Variants in APBB2 observed in about 807,000 individuals in gnomAD.
APBB2 encodes Fe65-like 1.
Under a neutral mutation model 82.5 loss-of-function variants are expected in APBB2, and 38 were observed. The observed-to-expected ratio is 0.46, with a 90% confidence interval of 0.36 to 0.60. The LOEUF is 0.60. Ranked by LOEUF, APBB2 falls within the 20% of genes least tolerant of loss-of-function variation. The probability of loss-of-function intolerance (pLI) is 0.00; values close to 1 mark genes in which losing one functional copy is unlikely to be tolerated. For synonymous variants in APBB2, 341 were observed against 368.2 expected (o/e 0.93, Z 0.85); for missense variants, 772 against 972.3 (o/e 0.79, Z 2.74).
At chr4:40,970,269 A>G (rs947969339) in intron 6 of APBB2, among the ~76,000 whole-genome samples, 1 of 152,186 alleles carries the variant, frequency 6.6e-6, no homozygotes, top group African/African-American at 2.4e-5. Flanking sequence ...TTACTCCTTA[A>G]TAAGGATCAT....
intron 4 of APBB2, among the ~76,000 whole-genome samples, chr4:41,050,460 T>G (rs370997862): frequency 6.6e-6 from 1 of 152,180 alleles, no homozygotes; most frequent in East Asian, 1.9e-4. Flanking sequence ...AATTCACACA[T>G]GCATATTGTT....
chr4:40,847,857 A>G (rs188808717), intron 12 of APBB2, among the ~76,000 whole-genome samples: 196 of 151,598 alleles, frequency 1.3e-3, no homozygotes, highest in Non-Finnish European at 2.3e-3. Flanking sequence ...CCCAGGCAGG[A>G]GTCCAGTAGC....
At chr4:41,166,962 C>A (rs565354575) in intron 1 of APBB2, among the ~76,000 whole-genome samples, 30 of 152,314 alleles carry the variant, frequency 2.0e-4, no homozygotes, top group South Asian at 6.2e-4. Flanking sequence ...GGTGACTGAA[C>A]CTGCATTTTG....
At chr4:40,825,572 G>A (rs1323036978) in intron 15 of APBB2, among the ~76,000 whole-genome samples, 2 of 152,222 alleles carry the variant, frequency 1.3e-5, no homozygotes, top group Admixed American at 1.3e-4. Context: ...AGAGATGGAG[G>A]CCTCGTTTCA....
At chr4:41,064,778 G>A (rs986409485) in intron 4 of APBB2, among the ~76,000 whole-genome samples, 4 of 152,172 alleles carry the variant, frequency 2.6e-5, no homozygotes, top group East Asian at 1.9e-4. Flanking sequence ...TTTGGAGAAG[G>A]CTAAGAAGTA....
rs568507433 is a variant in APBB2, at chr4:40,830,465, T to C, written c.1642A>G (p.Lys548Glu). The C allele has an allele frequency of 1.2e-6, 2 of 1,612,446 alleles. No individual in the cohort carries two copies. The highest frequency in any genetic ancestry group is 2.2e-5 in the East Asian group (1 of 44,872). ...IATSLHEICS[K>E]IMAERKNAKA... ...CATACTGCCCTGACCCACCTTACCTTGGAGCAGATCTCGTGGAGACTTGTG... is the reference window on the plus strand; with the variant it reads ...CATACTGCCCTGACCCACCTTACCTCGGAGCAGATCTCGTGGAGACTTGTG... The change falls in exon 13 of 18, where the codon AAG becomes GAG. Residue 548 changes from lysine (K) to glutamate (E), a missense_variant and splice_region_variant. Transcript: ENST00000508593.
chr4:40,970,766 C>T (rs1359261433), intron 6 of APBB2, among the ~76,000 whole-genome samples: 3 of 152,168 alleles, frequency 2.0e-5, no homozygotes, highest in Admixed American at 2.0e-4. Context: ...GGGTAACCCA[C>T]TGCCCTCGTT....
At chr4:40,866,557 C>T (rs1023008964) in intron 12 of APBB2, among the ~76,000 whole-genome samples, 4 of 152,084 alleles carry the variant, frequency 2.6e-5, no homozygotes, top group Non-Finnish European at 5.9e-5. Flanking sequence ...ATATCAGCTA[C>T]ATTAGAAGGC....
intron 10 of APBB2, among the ~76,000 whole-genome samples, chr4:40,922,595 C>T (rs556987869): frequency 6.6e-6 from 1 of 152,216 alleles, no homozygotes; most frequent in African/African-American, 2.4e-5. Context: ...CTAGAAATGG[C>T]TTGGCATCTG....
In APBB2 at chr4:41,067,610, G is replaced by A. The variant is rs374650194; in HGVS notation, c.-148-1937C>T. ...CATAGACAGAAGGAGAACATTACAG[G>A]ATCAGTGCAGAATCCTGGAGAACAC... On this transcript the variant is annotated intron_variant, in intron 3 of 17. Transcript: ENST00000508593. Among the ~76,000 whole-genome samples the A allele has an allele frequency of 1.3e-4, 20 of 152,290 alleles. 1 individual carries two copies. In the East Asian group the frequency reaches 2.7e-3, roughly 21 times the overall value.
intron 1 of APBB2, among the ~76,000 whole-genome samples, chr4:41,154,081 A>G (rs977467972): frequency 6.6e-6 from 1 of 152,222 alleles, no homozygotes; most frequent in African/African-American, 2.4e-5. Flanking sequence ...TACATTTATC[A>G]TTCTCTCCAT....
chr4:41,041,911 C>T (rs1188108369), intron 4 of APBB2, among the ~76,000 whole-genome samples: 1 of 152,174 alleles, frequency 6.6e-6, no homozygotes, highest in Non-Finnish European at 1.5e-5. Flanking sequence ...TAAGAGTTAT[C>T]TTTATAACAC....
At chr4:41,084,162 C>T (rs567764521) in intron 3 of APBB2, among the ~76,000 whole-genome samples, 53 of 152,270 alleles carry the variant, frequency 3.5e-4, no homozygotes, top group Non-Finnish European at 6.6e-4. Flanking sequence ...CGGTGGCTCA[C>T]GCCTGTAATC....
intron 1 of APBB2, among the ~76,000 whole-genome samples, chr4:41,146,468 TG>T (rs1278332396): frequency 6.6e-6 from 1 of 152,036 alleles, no homozygotes; most frequent in East Asian, 1.9e-4. Flanking sequence ...CACTCCAGCC[TG>T]GGCAAGAGAA....
At chr4:40,992,773 C>T (rs1802514808) in intron 6 of APBB2, among the ~76,000 whole-genome samples, 1 of 152,154 alleles carries the variant, frequency 6.6e-6, no homozygotes, top group Non-Finnish European at 1.5e-5. Flanking sequence ...CAGGACCCAT[C>T]ACCTTCCTCA....
intron 12 of APBB2, among the ~76,000 whole-genome samples, chr4:40,851,911 C>T (rs1050087789): frequency 2.0e-5 from 3 of 151,870 alleles, no homozygotes; most frequent in Non-Finnish European, 4.4e-5. Flanking sequence ...AAGGAAATGG[C>T]TTCTCTAGCT....
rs778132637 is a variant in APBB2, at chr4:40,890,404, C to G, written c.1489G>C (p.Val497Leu). 1 of 1,613,752 alleles carries G rather than the reference C, an allele frequency of 6.2e-7. No individual in the cohort carries two copies. The highest frequency in any genetic ancestry group is 8.5e-7 in the Non-Finnish European group (1 of 1,180,024). ...DRSVLHSQPI[V>L]SIRVWGVGRD... The stretch of plus-strand genomic sequence containing the variant: ...CCCACGCCCCACACGCGGATGCTGA[C>G]GATGGGCTGCGAGTGCAGCACGCTG... The change falls in exon 12 of 18, where the codon GTC becomes CTC. Residue 497 changes from valine (V) to leucine (L), a missense_variant. Physicochemically the swap from Val to Leu is conservative, Grantham distance 32. Transcript: ENST00000508593.
chr4:41,140,528 A>G lies in APBB2; in HGVS notation c.-261+2459T>C, dbSNP rs540414628. Among the ~76,000 whole-genome samples, 51 of 152,288 alleles carry G rather than the reference A, an allele frequency of 3.3e-4. No homozygotes were observed. In the South Asian group the frequency reaches 0.01, roughly 30 times the overall value. ...CCCACAAAACTTTGTTCTTACCTCT[A>G]GAGATACATTGTCACACTGCATGTC... On this transcript the variant is annotated intron_variant, in intron 2 of 17. Transcript: ENST00000508593.
intron 17 of APBB2, among the ~76,000 whole-genome samples, chr4:40,821,598 T>C (rs1240615630): frequency 6.6e-6 from 1 of 152,170 alleles, no homozygotes; most frequent in African/African-American, 2.4e-5. Flanking sequence ...TGAAATTGAT[T>C]TGGGATCAAG....
Sources: allele counts gnomAD v4.1 joint callset (sites outside exome capture counted in the v4.1 genomes callset), GRCh38; gene constraint gnomAD v4.1.1; transcripts MANE v1.5; gene names NCBI Gene and HGNC (gene_info 2026-07-23, HGNC 2026-07-21).